MYO1E: variants seen among roughly 807,000 people sequenced by gnomAD.
The protein encoded by MYO1E is myosin IE.
Under a neutral mutation model 151.1 loss-of-function variants are expected in MYO1E, and 68 were observed. The ratio of observed to expected loss-of-function variants is 0.45; its 90% CI spans 0.37 to 0.55. The LOEUF is 0.55. MYO1E is among the 20% of genes least tolerant of loss of function. MYO1E has a pLI of 0.00. For synonymous variants in MYO1E, 601 were observed against 501.7 expected (o/e 1.20, Z -2.64); for missense variants, 1,363 against 1,389.3 (o/e 0.98, Z 0.30).
At chr15:59,175,570 A>T (rs2079619659) in intron 19 of MYO1E, among the ~76,000 whole-genome samples, 3 of 152,218 alleles carry the variant, frequency 2.0e-5, no homozygotes, top group African/African-American at 7.2e-5. Flanking sequence ...TGTAAACAAT[A>T]GGCATAAGGA....
chr15:59,358,270 G>C (rs896557423), intron 1 of MYO1E, among the ~76,000 whole-genome samples: 1 of 152,054 alleles, frequency 6.6e-6, no homozygotes, highest in Admixed American at 6.6e-5. Context: ...TGAGGAGGAA[G>C]AGGAGGATGA....
chr15:59,223,292 GAC>G, intron 8 of MYO1E, 101 bp from the exon 9 acceptor site: 1 of 1,339,306 alleles, frequency 7.5e-7, no homozygotes, highest in Non-Finnish European at 1.1e-6. Flanking sequence ...ATAAGGATGT[GAC>G]AAGTACAGAC....
chr15:59,216,681 TATATACACATACACACAC>T (rs1235265727), intron 10 of MYO1E, among the ~76,000 whole-genome samples: 2 of 27,380 alleles, frequency 7.3e-5, no homozygotes, highest in African/African-American at 2.6e-4. Flanking sequence ...TATATATATA[TATATACACATACACACAC>T]ACACACACAC....
At chr15:59,169,949 C>T (rs1263667254) in intron 22 of MYO1E, among the ~76,000 whole-genome samples, 1 of 152,088 alleles carries the variant, frequency 6.6e-6, no homozygotes, top group African/African-American at 2.4e-5. Context: ...CACTTGAAGT[C>T]GGGAGTTCAA....
chr15:59,331,367 G>A (rs1257650382), intron 1 of MYO1E, among the ~76,000 whole-genome samples: 9 of 152,030 alleles, frequency 5.9e-5, no homozygotes, highest in Non-Finnish European at 1.3e-4. Flanking sequence ...CTACAACTGG[G>A]GAAACATCTC....
intron 1 of MYO1E, among the ~76,000 whole-genome samples, chr15:59,292,111 G>T (rs2080423189): frequency 6.6e-6 from 1 of 152,106 alleles, no homozygotes; most frequent in African/African-American, 2.4e-5. Flanking sequence ...AGTAAATTTT[G>T]TTTGGTGAGT....
chr15:59,137,518 A>C, intron 27 of MYO1E, 62 bp from the exon 28 acceptor site: 2 of 1,325,438 alleles, frequency 1.5e-6, no homozygotes, highest in Non-Finnish European at 2.2e-6. Flanking sequence ...CCAGCCACAC[A>C]CACTCCGCTC....
chr15:59,203,121 T>C (rs1168354509), intron 15 of MYO1E, among the ~76,000 whole-genome samples: 1 of 152,220 alleles, frequency 6.6e-6, no homozygotes, highest in Non-Finnish European at 1.5e-5. Context: ...TCAGTGCAGA[T>C]GCTGCTTTGC....
At chr15:59,331,703 G>A (rs2080699033) in intron 1 of MYO1E, among the ~76,000 whole-genome samples, 1 of 152,132 alleles carries the variant, frequency 6.6e-6, no homozygotes, top group Admixed American at 6.5e-5. Flanking sequence ...AATTTCATTA[G>A]GTTAACAGGT....
chr15:59,136,621 T>C lies in MYO1E; in HGVS notation c.*759A>G. Reference sequence around the variant, plus strand: ...CATCTCAAGATTTTTATATATACAGTATATGATCTGTTTTTATAAATGTAC... The same window carrying C: ...CATCTCAAGATTTTTATATATACAGCATATGATCTGTTTTTATAAATGTAC... On this transcript the variant is annotated 3_prime_UTR_variant, in exon 28 of 28. Transcript: ENST00000288235. 2.2e-6 allele frequency: 1 copy of C among 452,000 alleles called. No individual in the cohort carries two copies. The highest frequency in any genetic ancestry group is 1.6e-5 in the South Asian group (1 of 63,936). 28.0% of individuals were successfully genotyped at this position (452,000 alleles called of 1,614,324 possible).
At chr15:59,296,500 T>C (rs1286706792) in intron 1 of MYO1E, among the ~76,000 whole-genome samples, 1 of 152,216 alleles carries the variant, frequency 6.6e-6, no homozygotes, top group East Asian at 1.9e-4. Context: ...CAGGCCAGCA[T>C]GAAGGCCTAG....
chr15:59,164,142 C>T (rs1414907759), intron 22 of MYO1E, among the ~76,000 whole-genome samples: 9 of 152,160 alleles, frequency 5.9e-5, no homozygotes, highest in African/African-American at 2.2e-4. Flanking sequence ...AGACAAAGTT[C>T]CATCTTCAAG....
chr15:59,231,579 T>C, intron 6 of MYO1E, 123 bp downstream of exon 6: 1 of 1,051,164 alleles, frequency 9.5e-7, no homozygotes. Context: ...GAAGGAAAGA[T>C]CGAAGAGGTG....
At chr15:59,162,648 GA>G (rs1217244778) in intron 23 of MYO1E, among the ~76,000 whole-genome samples, 16 of 65,182 alleles carry the variant, frequency 2.5e-4, no homozygotes, top group African/African-American at 6.3e-4. Flanking sequence ...GCCATCTCAA[GA>G]AAAAAAAAAG....
At chr15:59,183,561 AT>A (rs1310246426) in intron 18 of MYO1E, among the ~76,000 whole-genome samples, 3 of 151,708 alleles carry the variant, frequency 2.0e-5, no homozygotes, top group Admixed American at 1.3e-4. Flanking sequence ...GTTGCATGAG[AT>A]TTTTTTTCTT....
At position 59,214,088 on chromosome 15, in the gene MYO1E, G is replaced by T. The variant is rs560727954; in HGVS notation, c.1275+140C>A. The T allele has an allele frequency of 1.6e-5, 11 of 675,952 alleles. No individual in the cohort carries two copies. In the African/African-American group the frequency reaches 2.0e-4, roughly 12 times the overall value. 41.9% of individuals were successfully genotyped at this position (675,952 alleles called of 1,614,324 possible). A position where few individuals can be genotyped will look rare whatever the true frequency, so the allele number is the denominator to read the frequency against. On this transcript the variant is annotated intron_variant, in intron 12 of 27. Transcript: ENST00000288235. ...GATTAAAATGCCACAATGGCATATG[G>T]TTTTTCTGCCTGACTTTATTAGATG...
chr15:59,226,068 A>T (rs552849764), intron 7 of MYO1E, among the ~76,000 whole-genome samples: 5 of 152,334 alleles, frequency 3.3e-5, no homozygotes, highest in African/African-American at 1.2e-4. Flanking sequence ...GCATTTATTT[A>T]AAGAAGTCCT....
chr15:59,217,896 C>T lies in MYO1E; in HGVS notation c.1102G>A (p.Val368Ile). Residue 368 changes from valine (V) to isoleucine (I), a missense_variant, in exon 10 of 28, where the codon GTA becomes ATA. By Grantham distance (29) the Val-to-Ile change is conservative. Coordinates refer to ENST00000288235, the MANE Select transcript of MYO1E (RefSeq NM_004998.4). ...CATCAACTTCTGTTACTTACATCTACCAAGAAATCAAAGACCCGGGCGTGC... is the reference window on the plus strand; with the variant it reads ...CATCAACTTCTGTTACTTACATCTATCAAGAAATCAAAGACCCGGGCGTGC... ...ALHARVFDFL[V>I]DSINKAMEKD... The T allele has an allele frequency of 6.2e-7, 1 of 1,614,110 alleles. No homozygotes were observed. Among genetic ancestry groups the T allele is most frequent in the South Asian group, 1.1e-5 (1 of 91,082 alleles).
chr15:59,151,060 C>CAT (rs2079474650), intron 26 of MYO1E, among the ~76,000 whole-genome samples: 1 of 147,414 alleles, frequency 6.8e-6, no homozygotes, highest in African/African-American at 2.6e-5. Flanking sequence ...CGCGCGCGCG[C>CAT]GCACGTGCAC....
Sources: gnomAD v4.1 joint callset for allele counts (sites outside exome capture counted in the v4.1 genomes callset) on GRCh38, gnomAD v4.1.1 for gene constraint, MANE v1.5 for transcripts, NCBI Gene and HGNC (gene_info 2026-07-23, HGNC 2026-07-21) for gene names.